The following MAGI1 variants were observed in gnomAD, a reference collection of about 807,000 sequenced individuals.
MAGI1 encodes membrane associated guanylate kinase, WW and PDZ domain containing 1, also known as membrane-associated guanylate kinase, WW and PDZ domain-containing protein 1.
MAGI1 carries 58 observed loss-of-function variants against 139.9 expected under a neutral mutation model. The observed-to-expected ratio is 0.41, with a 90% confidence interval of 0.34 to 0.52. MAGI1 has a LOEUF of 0.52. Ranked by LOEUF, MAGI1 falls within the 20% of genes least tolerant of loss-of-function variation. The probability of loss-of-function intolerance (pLI) is 0.12; values close to 1 mark genes in which losing one functional copy is unlikely to be tolerated. For synonymous variants in MAGI1, 812 were observed against 737.9 expected (o/e 1.10, Z -1.63); for missense variants, 1,874 against 1,901.6 (o/e 0.99, Z 0.27).
chr3:65,813,289 G>C (rs1184447333), intron 1 of MAGI1, among the ~76,000 whole-genome samples: 1 of 152,014 alleles, frequency 6.6e-6, no homozygotes, highest in Non-Finnish European at 1.5e-5. Context: ...AACAACTGAG[G>C]CTCCTTTTAT....
chr3:66,018,118 G>GGGGGGT (rs2067759848), intron 1 of MAGI1, among the ~76,000 whole-genome samples: 1 of 136,518 alleles, frequency 7.3e-6, no homozygotes, highest in Non-Finnish European at 1.6e-5. Context: ...TTTGGTGGGG[G>GGGGGGT]GGGGGGGTGT....
chr3:65,803,542 ATTTC>A (rs1353801158), intron 1 of MAGI1, among the ~76,000 whole-genome samples: 1 of 152,122 alleles, frequency 6.6e-6, no homozygotes, highest in Non-Finnish European at 1.5e-5. Context: ...AGGAAAAATA[ATTTC>A]TTTTTTGTTT....
chr3:65,494,328 C>T (rs779839605), intron 2 of MAGI1, among the ~76,000 whole-genome samples: 2 of 152,170 alleles, frequency 1.3e-5, no homozygotes, highest in Admixed American at 6.5e-5. Flanking sequence ...ACAAATGTAA[C>T]GCTTCCTCTT....
intron 1 of MAGI1, among the ~76,000 whole-genome samples, chr3:65,641,825 T>A (rs2084999123): frequency 6.6e-6 from 1 of 152,176 alleles, no homozygotes; most frequent in Admixed American, 6.5e-5. Flanking sequence ...TACTTTGATG[T>A]CTCTCACTGT....
At chr3:65,688,462 A>G in intron 1 of MAGI1, 1 of 476,082 alleles carries the variant, frequency 2.1e-6, no homozygotes. Context: ...TGGAAACTCA[A>G]AAGTGACCTT....
intron 1 of MAGI1, among the ~76,000 whole-genome samples, chr3:65,887,044 T>TA (rs1264667374): frequency 6.6e-6 from 1 of 152,130 alleles, no homozygotes; most frequent in African/African-American, 2.4e-5. Flanking sequence ...AAGGTGCACT[T>TA]AAAATAAATA....
chr3:65,461,747 C>G (rs1949816040), intron 5 of MAGI1, among the ~76,000 whole-genome samples: 1 of 152,110 alleles, frequency 6.6e-6, no homozygotes, highest in Non-Finnish European at 1.5e-5. Flanking sequence ...CTCAGCCTCC[C>G]AAAGTACTGG....
Position 65,364,725 on chromosome 3 carries a change from C to T in MAGI1, c.3291G>A (p.Arg1097=). Residue 1097 remains arginine (R), a splice_region_variant and synonymous_variant, in exon 20 of 23, where the codon AGG becomes AGA. Transcript: ENST00000402939. ...ATTCCTGCTTTGGTTTGGTGGTATTCCTGCCAAAGTGAAAGAAATAAATAT... is the reference window on the plus strand; with the variant it reads ...ATTCCTGCTTTGGTTTGGTGGTATTTCTGCCAAAGTGAAAGAAATAAATAT... ...TPSQQGTQET[R]NTTKPKQESQ... is the part of the protein sequence containing the mutation. 10 of 1,613,936 alleles carry T rather than the reference C, an allele frequency of 6.2e-6. No individual in the cohort carries two copies. Among genetic ancestry groups the T allele is most frequent in the Non-Finnish European group, 8.5e-6 (10 of 1,179,850 alleles).
In MAGI1 at chr3:65,578,072, G is replaced by A. The variant is rs934136825; in HGVS notation, c.430+43900C>T. Among the ~76,000 whole-genome samples, 6 of 152,248 alleles carry A rather than the reference G, an allele frequency of 3.9e-5. No homozygotes were observed. The Middle Eastern group carries it at 0.01, about 259-fold the overall frequency. ...CATGCCTGCTTGTTGAGCGACTGAC[G>A]GGTTCTGCCTCCATCCTCAGGAGCC... On this transcript the variant is annotated intron_variant, in intron 2 of 22. Transcript: ENST00000402939.
At chr3:65,620,160 C>T (rs775303648) in intron 2 of MAGI1, among the ~76,000 whole-genome samples, 1 of 152,102 alleles carries the variant, frequency 6.6e-6, no homozygotes, top group Non-Finnish European at 1.5e-5. Context: ...TTGCTTCATC[C>T]CCATTTCTTA....
intron 1 of MAGI1, among the ~76,000 whole-genome samples, chr3:66,036,841 C>A (rs1338848973): frequency 6.6e-6 from 1 of 152,200 alleles, no homozygotes; most frequent in African/African-American, 2.4e-5. Context: ...CTTGCTTGCA[C>A]AAGGGAGCCC....
intron 2 of MAGI1, among the ~76,000 whole-genome samples, chr3:65,564,371 CCT>C (rs1227490737): frequency 1.3e-5 from 2 of 152,046 alleles, no homozygotes; most frequent in Non-Finnish European, 2.9e-5. Flanking sequence ...ATCTTCTGCC[CCT>C]GTTTTTGGCC....
chr3:65,731,666 A>T (rs2034210225), intron 1 of MAGI1, among the ~76,000 whole-genome samples: 1 of 137,068 alleles, frequency 7.3e-6, no homozygotes, highest in South Asian at 2.2e-4. Flanking sequence ...AAAAATTTAA[A>T]AAAAAAAAAA....
At chr3:65,419,039 C>A (rs1357284026) in intron 12 of MAGI1, among the ~76,000 whole-genome samples, 1 of 152,234 alleles carries the variant, frequency 6.6e-6, no homozygotes, top group Non-Finnish European at 1.5e-5. Context: ...GCCTCCTGCT[C>A]AGTCTGACCC....
At chr3:65,475,021 T>A (rs1575909193) in intron 4 of MAGI1, among the ~76,000 whole-genome samples, 1 of 152,202 alleles carries the variant, frequency 6.6e-6, no homozygotes, top group East Asian at 1.9e-4. Flanking sequence ...ATCTCTTAAC[T>A]TTCCAAAGCA....
chr3:65,654,305 A>G (rs897920196), intron 1 of MAGI1, among the ~76,000 whole-genome samples: 1 of 152,148 alleles, frequency 6.6e-6, no homozygotes, highest in Non-Finnish European at 1.5e-5. Context: ...CCCAAAATCA[A>G]TCATCTCTAA....
intron 2 of MAGI1, among the ~76,000 whole-genome samples, chr3:65,567,990 G>A (rs924902842): frequency 6.6e-6 from 1 of 152,108 alleles, no homozygotes; most frequent in Non-Finnish European, 1.5e-5. Context: ...CCTTCAAAGG[G>A]ATATCAGGAT....
chr3:65,988,927 G>A (rs778492496), intron 1 of MAGI1, among the ~76,000 whole-genome samples: 13 of 151,454 alleles, frequency 8.6e-5, no homozygotes, highest in African/African-American at 1.2e-4. Context: ...TTTCTCATTC[G>A]ACCCTTACTC....
intron 1 of MAGI1, among the ~76,000 whole-genome samples, chr3:65,763,528 T>C (rs77383031): frequency 0.062 from 9,377 of 152,182 alleles, 318 homozygotes; most frequent in Non-Finnish European, 0.073. Flanking sequence ...ACTTTTTCTA[T>C]AGTAACTCAT....
Sources: allele counts gnomAD v4.1 joint callset (sites outside exome capture counted in the v4.1 genomes callset), GRCh38; gene constraint gnomAD v4.1.1; transcripts MANE v1.5; gene names NCBI Gene and HGNC (gene_info 2026-07-23, HGNC 2026-07-21).